STK3: variants seen among roughly 807,000 people sequenced by gnomAD.
STK3 encodes serine/threonine-protein kinase 3.
Under a neutral mutation model 58.0 loss-of-function variants are expected in STK3, and 41 were observed. The ratio of observed to expected loss-of-function variants is 0.71; its 90% CI spans 0.55 to 0.92. The LOEUF (loss-of-function observed/expected upper bound fraction) is 0.92, where lower values mean the gene tolerates loss of function less well. Ranked by LOEUF, STK3 falls within the 40% of genes least tolerant of loss-of-function variation. The probability of loss-of-function intolerance (pLI) is 0.00; values close to 1 mark genes in which losing one functional copy is unlikely to be tolerated. For synonymous variants in STK3, 170 were observed against 191.0 expected, an observed-to-expected ratio of 0.89 and a Z score of 0.91; for missense variants, 479 against 602.7, an observed-to-expected ratio of 0.79 and a Z score of 2.15.
intron 3 of STK3, among the ~76,000 whole-genome samples, chr8:98,416,550 C>T (rs532850895): frequency 6.6e-6 from 1 of 152,340 alleles, no homozygotes; most frequent in East Asian, 1.9e-4. Context: ...GGCCTGGAGG[C>T]CAGTGCAGGT....
At chr8:98,398,380 G>A (rs1457822104), downstream of STK3, among the ~76,000 whole-genome samples, 1 of 151,844 alleles carries the variant, frequency 6.6e-6, no homozygotes, top group Non-Finnish European at 1.5e-5. Flanking sequence ...CCCCTTTTTC[G>A]CTGTGAAAGC....
intron 4 of STK3, among the ~76,000 whole-genome samples, chr8:98,740,105 G>T (rs975338476): frequency 1.3e-5 from 2 of 152,214 alleles, no homozygotes; most frequent in Non-Finnish European, 2.9e-5. Context: ...GAAAAGACCA[G>T]ATCTTCGTCT....
chr8:98,480,658 A>C (rs1024110609), intron 10 of STK3, among the ~76,000 whole-genome samples: 2 of 152,218 alleles, frequency 1.3e-5, no homozygotes, highest in African/African-American at 2.4e-5. Context: ...ATCTCTCTAT[A>C]ACAATCCTGA....
In STK3 at chr8:98,783,226, T is replaced by A. The variant is rs1049515921; in HGVS notation, c.27-8407A>T. Among the ~76,000 whole-genome samples, 3 of 152,158 alleles carry A rather than the reference T, an allele frequency of 2.0e-5. No individual in the cohort carries two copies. The South Asian group carries it at 6.2e-4, about 32-fold the overall frequency. On this transcript the variant is annotated intron_variant, in intron 1 of 10. Transcript: ENST00000419617. ...AAAATGTTTGTTTTCCCAGGATATA[T>A]AAATGTTTACACTATACTGTAGTCT...
At chr8:98,531,641 C>T (rs780169692) in intron 9 of STK3, among the ~76,000 whole-genome samples, 1 of 152,184 alleles carries the variant, frequency 6.6e-6, no homozygotes, top group African/African-American at 2.4e-5. Context: ...ATTGACTTCT[C>T]CTCTGTAGCT....
intron 1 of STK3, among the ~76,000 whole-genome samples, chr8:98,449,617 C>T (rs1819106937): frequency 6.6e-6 from 1 of 152,096 alleles, no homozygotes; most frequent in Non-Finnish European, 1.5e-5. Context: ...TAACAATATC[C>T]TTACAATAAT....
intron 6 of STK3, among the ~76,000 whole-genome samples, chr8:98,673,985 C>T (rs10096329): frequency 0.53 from 81,042 of 151,940 alleles, 22,651 homozygotes; most frequent in African/African-American, 0.7. Context: ...CTTTTAAGTA[C>T]TCATTTTAAC....
intron 3 of STK3, among the ~76,000 whole-genome samples, chr8:98,841,433 T>G (rs1264392577): frequency 2.0e-5 from 3 of 152,126 alleles, no homozygotes; most frequent in Non-Finnish European, 4.4e-5. Context: ...GTTTCAAAAA[T>G]AAAGCATTAT....
chr8:98,899,661 G>T (rs1468137194), intron 1 of STK3, among the ~76,000 whole-genome samples: 1 of 152,142 alleles, frequency 6.6e-6, no homozygotes, highest in African/African-American at 2.4e-5. Flanking sequence ...AATTTCCCAT[G>T]GGTGCTGGGG....
chr8:98,674,157 T>C (rs564831176), intron 6 of STK3, among the ~76,000 whole-genome samples: 4 of 152,328 alleles, frequency 2.6e-5, no homozygotes, highest in Middle Eastern at 3.4e-3. Flanking sequence ...TTATGTTATT[T>C]TAACATACAG....
chr8:98,353,814 G>T, the STK3 span, among the ~76,000 whole-genome samples: 1 of 152,186 alleles, frequency 6.6e-6, no homozygotes, highest in African/African-American at 2.4e-5. Context: ...AATAGGTATG[G>T]GTATAGAGAC....
chr8:98,740,597 A>G (rs996144155), intron 4 of STK3, among the ~76,000 whole-genome samples: 2 of 152,166 alleles, frequency 1.3e-5, no homozygotes, highest in Non-Finnish European at 2.9e-5. Context: ...GAAGGAAGCA[A>G]TAAACATGGA....
intron 1 of STK3, among the ~76,000 whole-genome samples, chr8:98,806,011 C>T (rs1369865746): frequency 4.6e-5 from 7 of 152,180 alleles, no homozygotes; most frequent in Non-Finnish European, 1.0e-4. Flanking sequence ...TCCCACAGCA[C>T]TTGGCACCTG....
chr8:98,595,929 C>T (rs1815787774), intron 7 of STK3, 103 bp downstream of exon 7: 3 of 1,339,498 alleles, frequency 2.2e-6, no homozygotes, highest in East Asian at 5.0e-5. Flanking sequence ...GGGAGGTTTA[C>T]ATCTTTAGAA....
At chr8:98,627,875 T>C (rs1257933070) in intron 6 of STK3, among the ~76,000 whole-genome samples, 2 of 152,206 alleles carry the variant, frequency 1.3e-5, no homozygotes, top group African/African-American at 4.8e-5. Context: ...GGGTATGAGG[T>C]TGGAGTCTAA....
Position 98,655,919 on chromosome 8 carries a change from T to G in STK3, c.684+50548A>C, listed in dbSNP as rs530449802. Among the ~76,000 whole-genome samples, 11 of 152,302 alleles carry G rather than the reference T, an allele frequency of 7.2e-5. No individual in the cohort carries two copies. In the South Asian group the frequency reaches 1.2e-3, roughly 17 times the overall value. On this transcript the variant is annotated intron_variant, in intron 6 of 10. Transcript: ENST00000419617. ...TAAATGAGTTCAACCATTGTGGAAG[T>G]CAGTGTGGCGATTCCTCAGGGATCT...
chr8:98,659,708 C>T (rs1190371704), intron 6 of STK3, among the ~76,000 whole-genome samples: 1 of 151,726 alleles, frequency 6.6e-6, no homozygotes, highest in Non-Finnish European at 1.5e-5. Context: ...AAAACACTTC[C>T]AATCAATTAA....
the STK3 span, among the ~76,000 whole-genome samples, chr8:98,360,522 T>A: frequency 6.6e-6 from 1 of 152,112 alleles, no homozygotes; most frequent in Non-Finnish European, 1.5e-5. Flanking sequence ...TTTCTTTTTT[T>A]TTTTTTCATT....
At chr8:98,832,799 C>T (rs553262201) in intron 3 of STK3, among the ~76,000 whole-genome samples, 1 of 152,272 alleles carries the variant, frequency 6.6e-6, no homozygotes, top group East Asian at 1.9e-4. Context: ...AACTATCTCC[C>T]TCCCCTCAGA....
Sources: gnomAD v4.1 joint callset for allele counts (sites outside exome capture counted in the v4.1 genomes callset) on GRCh38, gnomAD v4.1.1 for gene constraint, MANE v1.5 for transcripts, NCBI Gene and HGNC (gene_info 2026-07-23, HGNC 2026-07-21) for gene names.